The following SLC9A9 variants were observed in gnomAD, a reference collection of about 807,000 sequenced individuals.
SLC9A9 encodes the protein solute carrier family 9 member A9.
SLC9A9 carries 62 observed loss-of-function variants against 77.8 expected under a neutral mutation model. The observed-to-expected ratio is 0.80, with a 90% confidence interval of 0.65 to 0.98. The LOEUF (loss-of-function observed/expected upper bound fraction) is 0.98. SLC9A9 is among the 50% of genes least tolerant of loss of function. SLC9A9 has a pLI of 0.00. For synonymous variants in SLC9A9, 320 were observed against 283.5 expected (o/e 1.13, Z -1.29); for missense variants, 775 against 774.9 (o/e 1.00, Z 0.00).
chr3:143,555,946 A>G (rs975348508), intron 8 of SLC9A9, among the ~76,000 whole-genome samples: 5 of 152,270 alleles, frequency 3.3e-5, no homozygotes, highest in Non-Finnish European at 5.9e-5. Context: ...CCTTAGTATT[A>G]GCATACACAA....
At chr3:143,803,262 A>T (rs1043414502) in intron 2 of SLC9A9, among the ~76,000 whole-genome samples, 1 of 152,256 alleles carries the variant, frequency 6.6e-6, no homozygotes, top group South Asian at 2.1e-4. Flanking sequence ...ACTCACTTGC[A>T]TTTCTGAAGA....
chr3:143,351,874 A>G (rs1179143404), intron 14 of SLC9A9, among the ~76,000 whole-genome samples: 1 of 152,180 alleles, frequency 6.6e-6, no homozygotes, highest in African/African-American at 2.4e-5. Context: ...ACCAATTACC[A>G]TAATGTTCAT....
rs531475517 is a variant in SLC9A9, at chr3:143,594,789, C to A, written c.756-16066G>T. Among the ~76,000 whole-genome samples, 20 of 152,056 alleles carry A rather than the reference C, an allele frequency of 1.3e-4. No homozygotes were observed. In the South Asian group the frequency reaches 4.2e-3, roughly 32 times the overall value. ...AAAAAATGTGGCCCCAAGGGCTATT[C>A]TGAGAAAGAAGAGCCTTTGAAACAG... is the stretch of plus-strand genomic sequence containing the variant. On this transcript the variant is annotated intron_variant, in intron 6 of 15. Transcript: ENST00000316549.
At chr3:143,828,214 A>G (rs2009347589) in intron 2 of SLC9A9, among the ~76,000 whole-genome samples, 1 of 152,220 alleles carries the variant, frequency 6.6e-6, no homozygotes, top group South Asian at 2.1e-4. Context: ...GGTGTCTACA[A>G]ACATTAAGCA....
chr3:143,469,809 C>G (rs1413932279), intron 11 of SLC9A9, among the ~76,000 whole-genome samples: 5 of 152,166 alleles, frequency 3.3e-5, no homozygotes, highest in Non-Finnish European at 7.3e-5. Context: ...GGAAATTATT[C>G]TAAATCTCCA....
intron 11 of SLC9A9, among the ~76,000 whole-genome samples, chr3:143,489,744 C>T (rs1368362836): frequency 6.6e-6 from 1 of 151,890 alleles, no homozygotes; most frequent in African/African-American, 2.4e-5. Flanking sequence ...AAAGGCAGCT[C>T]ATGGAATGGA....
intron 11 of SLC9A9, among the ~76,000 whole-genome samples, chr3:143,486,677 G>A (rs2035657355): frequency 1.3e-5 from 2 of 152,006 alleles, no homozygotes; most frequent in African/African-American, 4.8e-5. Flanking sequence ...CAGAGTTATT[G>A]TATGTTTTTC....
intron 13 of SLC9A9, among the ~76,000 whole-genome samples, chr3:143,368,819 GAGAA>G (rs2032975666): frequency 6.6e-6 from 1 of 152,318 alleles, no homozygotes; most frequent in African/African-American, 2.4e-5. Context: ...TGCTTCTAAA[GAGAA>G]AGAATTCTGG....
chr3:143,328,913 C>A (rs147104570), intron 14 of SLC9A9, among the ~76,000 whole-genome samples: 2 of 152,298 alleles, frequency 1.3e-5, no homozygotes, highest in East Asian at 3.9e-4. Context: ...ATTCTGCTGT[C>A]AGTTTTGCTT....
intron 1 of SLC9A9, among the ~76,000 whole-genome samples, chr3:143,840,198 T>C (rs1346810893): frequency 1.3e-5 from 2 of 152,064 alleles, no homozygotes. Context: ...CTGATGGTGC[T>C]GGTCAGGAAA....
intron 4 of SLC9A9, among the ~76,000 whole-genome samples, chr3:143,793,785 C>G (rs2008290828): frequency 6.6e-6 from 1 of 152,170 alleles, no homozygotes; most frequent in Admixed American, 6.5e-5. Context: ...TCTCAGGCCC[C>G]TGCAAAGTTT....
intron 12 of SLC9A9, among the ~76,000 whole-genome samples, chr3:143,392,081 A>C (rs2033583510): frequency 6.6e-6 from 1 of 152,206 alleles, no homozygotes; most frequent in South Asian, 2.1e-4. Context: ...CCAATATTCA[A>C]ATTCAGGAAA....
intron 6 of SLC9A9, among the ~76,000 whole-genome samples, chr3:143,580,850 G>T (rs981233701): frequency 6.6e-6 from 1 of 152,116 alleles, no homozygotes; most frequent in African/African-American, 2.4e-5. Flanking sequence ...GAATTTGCTG[G>T]CCCTAAAGCT....
intron 6 of SLC9A9, among the ~76,000 whole-genome samples, chr3:143,625,230 C>T (rs2038296689): frequency 1.3e-5 from 2 of 152,216 alleles, no homozygotes; most frequent in Admixed American, 6.5e-5. Flanking sequence ...CATCAAGCTA[C>T]CAATGACTTT....
At position 143,749,324 on chromosome 3, in the gene SLC9A9, C is replaced by T. The variant is rs75610874; in HGVS notation, c.533+45677G>A. ...TTTTCCTCCCTTTAGAAAAATGTATCCATGGTTAACATTAAGAAGAAAATT... is the reference window on the plus strand; with the variant it reads ...TTTTCCTCCCTTTAGAAAAATGTATTCATGGTTAACATTAAGAAGAAAATT... On this transcript the variant is annotated intron_variant, in intron 4 of 15. Coordinates refer to ENST00000316549, the MANE Select transcript of SLC9A9 (RefSeq NM_173653.4). Among the ~76,000 whole-genome samples the T allele has an allele frequency of 4.9e-3, 742 of 152,094 alleles. 3 individuals are homozygous for T. The highest frequency in any genetic ancestry group is 0.017 in the African/African-American group (715 of 41,478).
At chr3:143,763,088 G>A (rs748756605) in intron 4 of SLC9A9, among the ~76,000 whole-genome samples, 9 of 152,098 alleles carry the variant, frequency 5.9e-5, no homozygotes, top group Non-Finnish European at 1.0e-4. Flanking sequence ...GTCCTTATAT[G>A]TCTGTAGAAG....
rs552956919 is a variant in SLC9A9 at position 143,455,809 on chromosome 3, T to A, written c.1469+11228A>T. ...TTATTTCTAGAAGTTTTTTTTTTTT[T>A]AGGTTTCTTTTTTCTATATAAACAA... On this transcript the variant is annotated intron_variant, in intron 12 of 15. Transcript: ENST00000316549. Among the ~76,000 whole-genome samples the A allele has an allele frequency of 4.7e-4, 71 of 151,822 alleles. 1 individual carries two copies. Among genetic ancestry groups the A allele is most frequent in the African/African-American group, 1.7e-3 (69 of 41,502 alleles).
intron 9 of SLC9A9, among the ~76,000 whole-genome samples, chr3:143,541,155 T>C (rs989912844): frequency 1.4e-4 from 21 of 152,148 alleles, no homozygotes; most frequent in African/African-American, 4.8e-4. Flanking sequence ...TTCTAACAAA[T>C]AGAATATGGC....
chr3:143,402,062 T>C (rs6778621), intron 12 of SLC9A9, among the ~76,000 whole-genome samples: 9,588 of 152,142 alleles, frequency 0.063, 466 homozygotes, highest in African/African-American at 0.14. Context: ...GTCTCAGAAC[T>C]GTAAGTGGAA....
Sources: gnomAD v4.1 joint callset for allele counts (sites outside exome capture counted in the v4.1 genomes callset) on GRCh38, gnomAD v4.1.1 for gene constraint, MANE v1.5 for transcripts, NCBI Gene and HGNC (gene_info 2026-07-23, HGNC 2026-07-21) for gene names.